GALNTL6: variants seen among roughly 807,000 people sequenced by gnomAD.
GALNTL6 encodes the protein polypeptide N-acetylgalactosaminyltransferase like 6, also known as polypeptide N-acetylgalactosaminyltransferase-like 6.
In GALNTL6, 46 loss-of-function variants were observed where a neutral mutation model predicts 73.7. That is an observed-to-expected ratio of 0.62 (90% CI 0.49 to 0.80). GALNTL6 has a LOEUF of 0.80. Ranked by LOEUF, GALNTL6 falls within the 30% of genes least tolerant of loss-of-function variation. The pLI, the probability that GALNTL6 is intolerant of heterozygous loss-of-function variation, is 0.00. For missense variants in GALNTL6, 604 were observed against 755.0 expected (o/e 0.80, Z 2.34); for synonymous variants, 259 against 263.7 (o/e 0.98, Z 0.17).
At chr4:172,170,827 T>C (rs1023013378) in intron 2 of GALNTL6, among the ~76,000 whole-genome samples, 1 of 152,144 alleles carries the variant, frequency 6.6e-6, no homozygotes, top group African/African-American at 2.4e-5. Context: ...AAATTGTTTA[T>C]AGCAGTATGA....
chr4:171,914,848 GTA>G (rs1737573032), intron 2 of GALNTL6, among the ~76,000 whole-genome samples: 1 of 150,628 alleles, frequency 6.6e-6, no homozygotes, highest in African/African-American at 2.4e-5. Flanking sequence ...ATATTTTAGA[GTA>G]TTTTTTTACA....
At chr4:172,360,488 G>A (rs1742323768) in intron 5 of GALNTL6, among the ~76,000 whole-genome samples, 1 of 152,092 alleles carries the variant, frequency 6.6e-6, no homozygotes, top group Non-Finnish European at 1.5e-5. Flanking sequence ...AAGAGATGCT[G>A]TAAACTCTTC....
At chr4:172,841,877 T>C (rs1743232349) in intron 7 of GALNTL6, among the ~76,000 whole-genome samples, 2 of 152,182 alleles carry the variant, frequency 1.3e-5, no homozygotes, top group South Asian at 4.1e-4. Context: ...ACAAATATCA[T>C]AGCATCATTA....
chr4:172,026,010 T>C (rs1040613963), intron 2 of GALNTL6, among the ~76,000 whole-genome samples: 1 of 152,110 alleles, frequency 6.6e-6, no homozygotes, highest in East Asian at 1.9e-4. Flanking sequence ...AACATCATTA[T>C]ATTTAAATTT....
intron 5 of GALNTL6, chr4:172,667,119 C>G (rs1321023370): frequency 6.6e-6 from 1 of 152,228 alleles, no homozygotes; most frequent in East Asian, 1.9e-4. Context: ...TAGGCTTTCC[C>G]TATCATGTCC....
intron 5 of GALNTL6, among the ~76,000 whole-genome samples, chr4:172,417,474 A>G (rs1730886664): frequency 6.6e-6 from 1 of 151,960 alleles, no homozygotes; most frequent in Admixed American, 6.6e-5. Context: ...ACATGGCAAA[A>G]CTTCATCTCT....
At chr4:173,017,809 T>C (rs1054489474) in intron 11 of GALNTL6, among the ~76,000 whole-genome samples, 5 of 152,182 alleles carry the variant, frequency 3.3e-5, no homozygotes, top group African/African-American at 1.2e-4. Context: ...TCAGATATAA[T>C]TGTGACAATA....
intron 5 of GALNTL6, among the ~76,000 whole-genome samples, chr4:172,750,410 A>G (rs1737357459): frequency 6.6e-6 from 1 of 152,208 alleles, no homozygotes; most frequent in South Asian, 2.1e-4. Flanking sequence ...AATGAATCAG[A>G]GGCAGGATTC....
At chr4:172,144,509 T>A (rs919412604) in intron 2 of GALNTL6, among the ~76,000 whole-genome samples, 27 of 152,210 alleles carry the variant, frequency 1.8e-4, no homozygotes, top group African/African-American at 6.3e-4. Flanking sequence ...TATAGTTACA[T>A]GATAAAATCA....
At chr4:172,450,588 G>A (rs559302365) in intron 5 of GALNTL6, among the ~76,000 whole-genome samples, 1 of 152,286 alleles carries the variant, frequency 6.6e-6, no homozygotes, top group African/African-American at 2.4e-5. Flanking sequence ...ACCTTCAATG[G>A]CTTTCAGTTG....
chr4:172,268,652 GC>G (rs1253224448), intron 3 of GALNTL6, among the ~76,000 whole-genome samples: 1 of 152,168 alleles, frequency 6.6e-6, no homozygotes, highest in Non-Finnish European at 1.5e-5. Context: ...ACATGTGGAA[GC>G]CCTAACACCC....
chr4:171,821,897 A>G lies in GALNTL6; in HGVS notation c.138+7179A>G, dbSNP rs532523560. Among the ~76,000 whole-genome samples the G allele has an allele frequency of 2.0e-5, 3 of 152,168 alleles. No individual in the cohort carries two copies. The South Asian group carries it at 6.2e-4, about 32-fold the overall frequency. ...AACATTTTGGATTTCATACTTAAGG[A>G]TAAGTTGATTATTTTAATTTTTTTA... is the stretch of plus-strand genomic sequence containing the variant. On this transcript the variant is annotated intron_variant, in intron 2 of 12. Transcript: ENST00000506823.
chr4:172,874,291 G>C (rs1321028219), intron 7 of GALNTL6, among the ~76,000 whole-genome samples: 1 of 152,184 alleles, frequency 6.6e-6, no homozygotes, highest in Non-Finnish European at 1.5e-5. Flanking sequence ...AATGGGAAAG[G>C]ATCCTTCCAG....
At chr4:171,901,269 TACA>T (rs753515913) in intron 2 of GALNTL6, among the ~76,000 whole-genome samples, 5 of 151,806 alleles carry the variant, frequency 3.3e-5, no homozygotes, top group South Asian at 2.1e-4. Flanking sequence ...GACTATAGAG[TACA>T]ACAACAGAGG....
intron 5 of GALNTL6, among the ~76,000 whole-genome samples, chr4:172,787,315 A>T (rs934612400): frequency 3.3e-5 from 5 of 152,174 alleles, no homozygotes; most frequent in African/African-American, 1.2e-4. Context: ...TGGTTATTAG[A>T]GTGCCAGTTT....
intron 2 of GALNTL6, among the ~76,000 whole-genome samples, chr4:171,993,498 A>G (rs1740398594): frequency 6.6e-6 from 1 of 152,032 alleles, no homozygotes; most frequent in Non-Finnish European, 1.5e-5. Flanking sequence ...CCCTATTGTC[A>G]ATGGACAGCT....
chr4:171,825,915 A>C (rs1428008091), intron 2 of GALNTL6, among the ~76,000 whole-genome samples: 1 of 152,158 alleles, frequency 6.6e-6, no homozygotes, highest in African/African-American at 2.4e-5. Context: ...TTTTCAGCTC[A>C]AGTCTTCTGC....
intron 3 of GALNTL6, among the ~76,000 whole-genome samples, chr4:172,257,275 A>G (rs906521593): frequency 2.0e-5 from 3 of 151,344 alleles, no homozygotes; most frequent in African/African-American, 7.3e-5. Context: ...ACAGCTGTAA[A>G]TATAGTGCTA....
intron 5 of GALNTL6, among the ~76,000 whole-genome samples, chr4:172,749,527 A>G (rs764913441): frequency 9.9e-5 from 15 of 152,232 alleles, no homozygotes; most frequent in East Asian, 3.9e-4. Context: ...GGTTTTCACA[A>G]TTCTACAAAT....
Sources: allele counts gnomAD v4.1 joint callset (sites outside exome capture counted in the v4.1 genomes callset), GRCh38; gene constraint gnomAD v4.1.1; transcripts MANE v1.5; gene names NCBI Gene and HGNC (gene_info 2026-07-23, HGNC 2026-07-21).